Variants in ERLEC1 observed in about 807,000 individuals in gnomAD.
ERLEC1 encodes ER lectin.
In ERLEC1, 47 loss-of-function variants were observed where a neutral mutation model predicts 68.0. That is an observed-to-expected ratio of 0.69 (90% CI 0.55 to 0.88). ERLEC1 has a LOEUF of 0.88. Among genes scored for constraint, ERLEC1 ranks in the 40% least tolerant of loss-of-function variants. The pLI, the probability that ERLEC1 is intolerant of heterozygous loss-of-function variation, is 0.00. For synonymous variants in ERLEC1, 225 were observed against 203.2 expected, an observed-to-expected ratio of 1.11 and a Z score of -0.91; for missense variants, 567 against 583.8, an observed-to-expected ratio of 0.97 and a Z score of 0.30.
At chr2:53,804,651 C>G (rs756233078) in intron 8 of ERLEC1, among the ~76,000 whole-genome samples, 27 of 152,172 alleles carry the variant, frequency 1.8e-4, no homozygotes, top group Admixed American at 3.9e-4. Context: ...GCCATCCCCT[C>G]AAGCATTTGT....
chr2:53,814,993 T>C (rs1676790513), intron 13 of ERLEC1, 58 bp downstream of exon 13: 4 of 985,626 alleles, frequency 4.1e-6, no homozygotes, highest in Admixed American at 5.5e-5. Context: ...TAATTTTTTT[T>C]TCTTTTTTTT....
chr2:53,791,789 T>C (rs566054276), intron 1 of ERLEC1, among the ~76,000 whole-genome samples: 3 of 151,978 alleles, frequency 2.0e-5, no homozygotes, highest in Admixed American at 1.3e-4. Context: ...TTATGTCTCA[T>C]AGCAAATCGT....
intron 5 of ERLEC1, among the ~76,000 whole-genome samples, chr2:53,798,836 A>G (rs1675855566): frequency 6.6e-6 from 1 of 152,062 alleles, no homozygotes; most frequent in African/African-American, 2.4e-5. Context: ...TCTACCTGAA[A>G]TAGAGTATTT....
chr2:53,806,350 C>T (rs529822188), intron 8 of ERLEC1, among the ~76,000 whole-genome samples: 4 of 152,164 alleles, frequency 2.6e-5, no homozygotes, highest in African/African-American at 9.7e-5. Context: ...GCCACCTCTT[C>T]CCCTTATCTC....
At position 53,787,074 on chromosome 2, in the gene ERLEC1, A is replaced by G; in HGVS notation, c.-137A>G. On this transcript the variant is annotated 5_prime_UTR_variant, in exon 1 of 14. Transcript: ENST00000185150. ...CGGCGTTGCCGGGCTCTCCGGAAGG[A>G]GACGTGGCGGCGGTTGGGCCGGTGA... is the stretch of plus-strand genomic sequence containing the variant. The G allele has an allele frequency of 5.7e-6, 7 of 1,219,868 alleles. No individual in the cohort carries two copies. Among genetic ancestry groups the G allele is most frequent in the Non-Finnish European group, 6.5e-6 (6 of 916,534 alleles). 75.6% of individuals were successfully genotyped at this position (1,219,868 alleles called of 1,614,324 possible).
chr2:53,792,309 C>T (rs1263399841), intron 1 of ERLEC1, among the ~76,000 whole-genome samples: 1 of 151,414 alleles, frequency 6.6e-6, no homozygotes, highest in African/African-American at 2.4e-5. Context: ...AGGTGCACAT[C>T]TTACTTACAG....
Position 53,787,071 on chromosome 2 carries a change from A to C in ERLEC1, c.-140A>C. The C allele has an allele frequency of 4.2e-6, 5 of 1,198,404 alleles. No homozygotes were observed. The highest frequency in any genetic ancestry group is 5.6e-6 in the Non-Finnish European group (5 of 896,906). The allele number at this position is 1,198,404 out of a possible 1,614,324, so 74.2% of individuals were successfully genotyped here. On this transcript the variant is annotated 5_prime_UTR_variant, in exon 1 of 14. Coordinates refer to ENST00000185150, the MANE Select transcript of ERLEC1 (RefSeq NM_015701.5). ...AGGCGGCGTTGCCGGGCTCTCCGGA[A>C]GGAGACGTGGCGGCGGTTGGGCCGG...
chr2:53,801,432 A>G lies in ERLEC1; in HGVS notation c.561A>G (p.Pro187=), dbSNP rs761431258. Residue 187 remains proline, a synonymous_variant, in exon 7 of 14, where the codon CCA becomes CCG. Transcript: ENST00000185150. The part of the protein sequence containing the change: ...PTKNIEGQMT[P]YYPVGMGNGT... ...AAAATATCGAAGGTCAGATGACACCATACTATCCTGTGGGAATGGGAAATG... is the reference window on the plus strand; with the variant it reads ...AAAATATCGAAGGTCAGATGACACCGTACTATCCTGTGGGAATGGGAAATG... 3.7e-6 allele frequency: 6 copies of G among 1,613,914 alleles called. No homozygotes were observed. Among genetic ancestry groups the G allele is most frequent in the African/African-American group, 2.7e-5 (2 of 74,904 alleles).
intron 8 of ERLEC1, among the ~76,000 whole-genome samples, chr2:53,804,578 G>T (rs1676178906): frequency 6.6e-6 from 1 of 152,054 alleles, no homozygotes. Flanking sequence ...GTGTGGCCGG[G>T]TACATGAGAT....
intron 3 of ERLEC1, 71 bp downstream of exon 3, chr2:53,796,084 G>T: frequency 1.9e-5 from 20 of 1,051,006 alleles, no homozygotes; most frequent in East Asian, 7.7e-5. Context: ...TGAAAATACC[G>T]TTTCTTCTTT....
chr2:53,803,944 C>T (rs556593015), intron 8 of ERLEC1, among the ~76,000 whole-genome samples: 1 of 152,164 alleles, frequency 6.6e-6, no homozygotes, highest in Non-Finnish European at 1.5e-5. Context: ...GCCTGGCCAA[C>T]CTGGCAAAAC....
chr2:53,798,149 G>A (rs945768832), intron 5 of ERLEC1, among the ~76,000 whole-genome samples: 1 of 152,026 alleles, frequency 6.6e-6, no homozygotes, highest in Non-Finnish European at 1.5e-5. Context: ...GAGCCGAGAT[G>A]GCACCACTGC....
intron 8 of ERLEC1, among the ~76,000 whole-genome samples, chr2:53,804,832 C>T (rs1214541603): frequency 6.6e-6 from 1 of 151,870 alleles, no homozygotes. Context: ...CTATAGTAAC[C>T]ATCCTTCTAC....
At chr2:53,794,639 T>C (rs1675587899) in intron 2 of ERLEC1, among the ~76,000 whole-genome samples, 190 bp downstream of exon 2, 1 of 152,168 alleles carries the variant, frequency 6.6e-6, no homozygotes, top group African/African-American at 2.4e-5. Flanking sequence ...AAATTAGCAA[T>C]CAATTTTTTT....
At position 53,812,987 on chromosome 2, in the gene ERLEC1, A is replaced by C. The variant is rs768147925; in HGVS notation, c.1140A>C (p.Thr380=). The change falls in exon 11 of 14, where the codon ACA becomes ACC. Residue 380 remains threonine (T), a synonymous_variant. Transcript: ENST00000185150. ...DSGKTSVVVG[T]WNQEEHIEWA... ...GGAAAACCTCTGTGGTTGTCGGGACATGGAACCAAGAAGAGCATATTGAAT... is the reference window on the plus strand; with the variant it reads ...GGAAAACCTCTGTGGTTGTCGGGACCTGGAACCAAGAAGAGCATATTGAAT... 1 of 1,613,512 alleles carries C rather than the reference A, an allele frequency of 6.2e-7. No homozygotes were observed. Among genetic ancestry groups the C allele is most frequent in the Non-Finnish European group, 8.5e-7 (1 of 1,179,940 alleles).
At chr2:53,796,110 G>GTTTT in intron 3 of ERLEC1, 97 bp downstream of exon 3, 1 of 634,886 alleles carries the variant, frequency 1.6e-6, no homozygotes, top group South Asian at 2.6e-5. Flanking sequence ...GTTGTGTCAG[G>GTTTT]TTTTTTTTTT....
chr2:53,813,934 C>T (rs1388891586), intron 11 of ERLEC1, among the ~76,000 whole-genome samples: 3 of 152,082 alleles, frequency 2.0e-5, no homozygotes, highest in Non-Finnish European at 4.4e-5. Flanking sequence ...AGCTATCTTC[C>T]CCCCTCCCAC....
In ERLEC1 at chr2:53,800,823, T is replaced by C. The variant is rs567871366; in HGVS notation, c.526-574T>C. Among the ~76,000 whole-genome samples the C allele has an allele frequency of 4.7e-4, 72 of 152,218 alleles. No homozygotes were observed. In the South Asian group the frequency reaches 0.014, roughly 30 times the overall value. On this transcript the variant is annotated intron_variant, in intron 6 of 13. Coordinates refer to ENST00000185150, the MANE Select transcript of ERLEC1 (RefSeq NM_015701.5). ...GGCCTTGAGTATATTTATATAGGAG[T>C]TTACATGCTGGATAGTATTGCTGTT...
chr2:53,794,504 C>G (rs1188497296), intron 2 of ERLEC1, 55 bp downstream of exon 2: 10 of 787,960 alleles, frequency 1.3e-5, no homozygotes, highest in Non-Finnish European at 2.1e-5. Context: ...TTATGTAAAA[C>G]ATTGTAACTA....
Sources: allele counts gnomAD v4.1 joint callset (sites outside exome capture counted in the v4.1 genomes callset), GRCh38; gene constraint gnomAD v4.1.1; transcripts MANE v1.5; gene names NCBI Gene and HGNC (gene_info 2026-07-23, HGNC 2026-07-21).